Variants in CIT observed in about 807,000 individuals in gnomAD.
The protein encoded by CIT is citron rho-interacting serine/threonine kinase.
Under a neutral mutation model 272.7 loss-of-function variants are expected in CIT, and 79 were observed. That is an observed-to-expected ratio of 0.29 (90% CI 0.24 to 0.35). CIT has a LOEUF of 0.35. Among genes scored for constraint, CIT ranks in the 10% least tolerant of loss-of-function variants. CIT has a pLI of 1.00. For synonymous variants in CIT, 948 were observed against 995.6 expected (o/e 0.95, Z 0.90); for missense variants, 1,909 against 2,618.3 (o/e 0.73, Z 5.91).
At position 119,704,298 on chromosome 12, in the gene CIT, A is replaced by G. The variant is rs1956754988; in HGVS notation, c.5304+65T>C. Reference sequence around the variant, plus strand: ...TGTCCCAGGACAGTGCACTTTCCACACTGGCTCGCTGAGAGAGCAGGACTG... The same window carrying G: ...TGTCCCAGGACAGTGCACTTTCCACGCTGGCTCGCTGAGAGAGCAGGACTG... On this transcript the variant is annotated intron_variant, in intron 41 of 47. Coordinates refer to ENST00000392521, the MANE Select transcript of CIT (RefSeq NM_001206999.2). 8.8e-6 allele frequency: 13 copies of G among 1,481,030 alleles called. No homozygotes were observed. In the South Asian group the frequency reaches 1.4e-4, roughly 16 times the overall value. The allele number at this position is 1,481,030 out of a possible 1,614,324, so 91.7% of individuals were successfully genotyped here.
chr12:119,774,288 T>G (rs1004547768), intron 16 of CIT, among the ~76,000 whole-genome samples: 2 of 150,252 alleles, frequency 1.3e-5, no homozygotes, highest in Admixed American at 6.6e-5. Flanking sequence ...GTTATGTGGT[T>G]TTTTTTTTTA....
At chr12:119,700,589 G>A in intron 44 of CIT, 156 bp downstream of exon 44, 1 of 642,400 alleles carries the variant, frequency 1.6e-6, no homozygotes, top group Non-Finnish European at 2.8e-6. Context: ...CGCCATGTTG[G>A]TCAGGCTGGG....
chr12:119,778,690 T>C (rs1362674089), intron 13 of CIT, among the ~76,000 whole-genome samples: 3 of 151,710 alleles, frequency 2.0e-5, no homozygotes, highest in African/African-American at 7.3e-5. Context: ...CTTATGAAAA[T>C]TGGATGGTTT....
In CIT at chr12:119,772,376, C is replaced by T. The variant is rs1294619992; in HGVS notation, c.2082+394G>A. ...TATAGATCTGAGAGTCATTGACGCG[C>T]AGGTAATAGGTGAAGCCTTGAAAAT... On this transcript the variant is annotated intron_variant, in intron 17 of 47. Coordinates refer to ENST00000392521, the MANE Select transcript of CIT (RefSeq NM_001206999.2). Among the ~76,000 whole-genome samples the T allele has an allele frequency of 2.0e-5, 3 of 151,984 alleles. No individual in the cohort carries two copies. The East Asian group carries it at 5.8e-4, about 29-fold the overall frequency.
chr12:119,801,500 G>A (rs976508502), intron 10 of CIT, among the ~76,000 whole-genome samples: 5 of 152,012 alleles, frequency 3.3e-5, no homozygotes, highest in Non-Finnish European at 5.9e-5. Context: ...TAACTCCCTC[G>A]AATCCTCCCT....
chr12:119,801,594 C>T (rs1380742672), intron 10 of CIT, among the ~76,000 whole-genome samples: 1 of 152,198 alleles, frequency 6.6e-6, no homozygotes, highest in East Asian at 1.9e-4. Context: ...TAGAACTCTC[C>T]ACACGTCCTT....
intron 7 of CIT, among the ~76,000 whole-genome samples, chr12:119,828,757 A>C (rs1303338795): frequency 6.6e-6 from 1 of 151,884 alleles, no homozygotes; most frequent in Non-Finnish European, 1.5e-5. Context: ...TAGTAGAGAC[A>C]GGGTTTCACC....
intron 15 of CIT, among the ~76,000 whole-genome samples, chr12:119,776,063 A>T (rs555975474): frequency 2.6e-5 from 4 of 152,198 alleles, no homozygotes; most frequent in Non-Finnish European, 4.4e-5. Flanking sequence ...TACAAATGGC[A>T]AAAAGAGAAA....
At chr12:119,847,014 T>G (rs2138222683) in intron 5 of CIT, among the ~76,000 whole-genome samples, 1 of 150,976 alleles carries the variant, frequency 6.6e-6, no homozygotes, top group East Asian at 2.0e-4. Context: ...AGACGGAGCC[T>G]CGCTCTGTCA....
At position 119,871,594 on chromosome 12, in the gene CIT, C is replaced by G. The variant is rs569356810; in HGVS notation, c.97-2393G>C. On this transcript the variant is annotated intron_variant, in intron 2 of 47. Transcript: ENST00000392521. ...CCCAGCAGGGAGAGGTGGCTCACACCTGGAATACTAGCACTTTGGGAGGCC... is the reference window on the plus strand; with the variant it reads ...CCCAGCAGGGAGAGGTGGCTCACACGTGGAATACTAGCACTTTGGGAGGCC... Among the ~76,000 whole-genome samples, 15 of 152,260 alleles carry G rather than the reference C, an allele frequency of 9.9e-5. No homozygotes were observed. The South Asian group carries it at 3.1e-3, about 32-fold the overall frequency.
chr12:119,854,827 T>C (rs897207142), intron 4 of CIT, among the ~76,000 whole-genome samples: 2 of 152,062 alleles, frequency 1.3e-5, no homozygotes, highest in South Asian at 2.1e-4. Context: ...GGCAGGTGCC[T>C]GTAATCCCAG....
At chr12:119,790,977 T>C (rs1965258807) in intron 10 of CIT, among the ~76,000 whole-genome samples, 1 of 152,172 alleles carries the variant, frequency 6.6e-6, no homozygotes, top group Non-Finnish European at 1.5e-5. Flanking sequence ...AGGCACGTGT[T>C]TAGTGCTTCA....
At chr12:119,767,972 C>T (rs138717166) in intron 18 of CIT, among the ~76,000 whole-genome samples, 1 of 149,646 alleles carries the variant, frequency 6.7e-6, no homozygotes, top group African/African-American at 2.5e-5. Context: ...AGTGCACTGG[C>T]GCGATCTTGG....
chr12:119,824,098 T>G (rs1038832205), intron 8 of CIT, among the ~76,000 whole-genome samples: 1 of 104,122 alleles, frequency 9.6e-6, no homozygotes, highest in African/African-American at 3.7e-5. Flanking sequence ...TATTAGAAAA[T>G]AGTTTTACTG....
chr12:119,846,125 G>GCACTCCCATCAACATGTAAGAAAACTA (rs2138216327), intron 5 of CIT, among the ~76,000 whole-genome samples: 1 of 152,258 alleles, frequency 6.6e-6, no homozygotes, highest in African/African-American at 2.4e-5. Context: ...ATGAAACAAT[G>GCACTCCCATCAACATGTAAGAAAACTA]CACTCCCATC....
intron 2 of CIT, among the ~76,000 whole-genome samples, chr12:119,871,698 CA>C (rs984854898): frequency 6.6e-6 from 1 of 151,256 alleles, no homozygotes; most frequent in Non-Finnish European, 1.5e-5. Context: ...TACAAACAAA[CA>C]AAAAAAAATT....
intron 24 of CIT, among the ~76,000 whole-genome samples, chr12:119,739,647 T>C (rs1255316040): frequency 6.6e-6 from 1 of 152,158 alleles, no homozygotes; most frequent in African/African-American, 2.4e-5. Flanking sequence ...AAAGATTATA[T>C]TATAAGCCCA....
chr12:119,792,352 A>C (rs532621328), intron 10 of CIT, among the ~76,000 whole-genome samples: 1 of 152,258 alleles, frequency 6.6e-6, no homozygotes, highest in Non-Finnish European at 1.5e-5. Context: ...GGCCAACAGC[A>C]CTAAAAATAC....
At chr12:119,851,241 G>A (rs921730607) in intron 4 of CIT, among the ~76,000 whole-genome samples, 1 of 152,114 alleles carries the variant, frequency 6.6e-6, no homozygotes, top group Non-Finnish European at 1.5e-5. Flanking sequence ...ATATAGACAT[G>A]GATACACAAA....
Sources: allele counts gnomAD v4.1 joint callset (sites outside exome capture counted in the v4.1 genomes callset), GRCh38; gene constraint gnomAD v4.1.1; transcripts MANE v1.5; gene names NCBI Gene and HGNC (gene_info 2026-07-23, HGNC 2026-07-21).